Variants in FRMPD4 observed in about 807,000 individuals in gnomAD.
FRMPD4 encodes the protein FERM and PDZ domain containing 4.
A neutral mutation model predicts 94.1 loss-of-function variants in FRMPD4; 22 were observed. The observed-to-expected ratio is 0.23, with a 90% CI of 0.17 to 0.33. FRMPD4 has a LOEUF of 0.33. Among genes scored for constraint, FRMPD4 ranks in the 10% least tolerant of loss-of-function variants. FRMPD4 has a pLI of 1.00. For missense variants in FRMPD4, 1,111 were observed against 1,339.9 expected (o/e 0.83, Z 2.67); for synonymous variants, 631 against 548.6 (o/e 1.15, Z -2.10).
intron 3 of FRMPD4, among the ~76,000 whole-genome samples, chrX:11,889,241 A>G (rs774671789): frequency 2.9e-4 from 32 of 112,210 alleles, no homozygotes; most frequent in Non-Finnish European, 4.3e-4. Context: ...CCCTGAACAA[A>G]TAGGTGCTCC....
In FRMPD4 at chrX:12,710,453, G is replaced by T; in HGVS notation, c.1525G>T (p.Ala509Ser). ...SDAMNLACLT[A>S]GYYRLLVDSR... ...TGCCATGAACCTGGCCTGCTTGACGGCTGGATACTACCGGCTGCTTGTTGA... is the reference window on the plus strand; with the variant it reads ...TGCCATGAACCTGGCCTGCTTGACGTCTGGATACTACCGGCTGCTTGTTGA... Residue 509 changes from alanine to serine, a missense_variant, in exon 14 of 17, where the codon GCT becomes TCT. Around this residue, in one of 8 missense-constraint regions of FRMPD4, gnomAD observed 111 missense variants for 160.7 expected, o/e 0.69. Transcript: ENST00000675598. The T allele has an allele frequency of 8.3e-7, 1 of 1,199,752 alleles. No individual in the cohort carries two copies. Among genetic ancestry groups the T allele is most frequent in the Non-Finnish European group, 1.1e-6 (1 of 884,928 alleles).
chrX:11,823,749 G>A (rs147501332), intron 1 of FRMPD4, among the ~76,000 whole-genome samples: 1,364 of 111,642 alleles, frequency 0.012, 11 homozygotes, highest in African/African-American at 0.042. Flanking sequence ...AATATAATTT[G>A]CACATGTCAT....
chrX:11,847,218 G>A (rs1389924527), intron 1 of FRMPD4, among the ~76,000 whole-genome samples: 37 of 109,042 alleles, frequency 3.4e-4, no homozygotes, highest in Admixed American at 5.9e-4. Flanking sequence ...AAAAGTGGGC[G>A]AAGGATATGA....
At chrX:12,375,779 T>G (rs1262168165) in intron 1 of FRMPD4, among the ~76,000 whole-genome samples, 4 of 112,057 alleles carry the variant, frequency 3.6e-5, no homozygotes, top group Non-Finnish European at 7.5e-5. Flanking sequence ...GGCATCCACA[T>G]AAAGAAAGCG....
Position 12,328,772 on chromosome X carries a change from C to T in FRMPD4, c.42-169908C>T, listed in dbSNP as rs747294605. Reference sequence around the variant, plus strand: ...TAGAGTCAGGTTGCTGCCCTCCACCCTAGGCACAGCCACTTAGAAGCTGTG... The same window carrying T: ...TAGAGTCAGGTTGCTGCCCTCCACCTTAGGCACAGCCACTTAGAAGCTGTG... On this transcript the variant is annotated intron_variant, in intron 1 of 16. Transcript: ENST00000675598. Among the ~76,000 whole-genome samples the T allele has an allele frequency of 3.6e-5, 4 of 111,453 alleles. No homozygotes were observed. The East Asian group carries it at 1.1e-3, about 32-fold the overall frequency.
At chrX:12,393,975 A>G (rs1424804644) in intron 1 of FRMPD4, among the ~76,000 whole-genome samples, 1 of 111,628 alleles carries the variant, frequency 9.0e-6, no homozygotes, top group East Asian at 2.8e-4. Flanking sequence ...TAAGTTATAT[A>G]AGTTATCACC....
chrX:12,014,181 G>A (rs760819581), intron 3 of FRMPD4, among the ~76,000 whole-genome samples: 13 of 111,004 alleles, frequency 1.2e-4, no homozygotes, highest in Admixed American at 7.7e-4. Context: ...GTTTTCAACC[G>A]TGCCTCAGTC....
At chrX:12,084,339 C>A (rs141716132) in intron 3 of FRMPD4, among the ~76,000 whole-genome samples, 1 of 111,167 alleles carries the variant, frequency 9.0e-6, no homozygotes, top group African/African-American at 3.3e-5. Flanking sequence ...CTTTTGCCTC[C>A]TGCCATGATT....
At chrX:12,026,632 T>C (rs1256727441) in intron 3 of FRMPD4, among the ~76,000 whole-genome samples, 3 of 112,322 alleles carry the variant, frequency 2.7e-5, no homozygotes, top group African/African-American at 9.7e-5. Flanking sequence ...TATTCTATCC[T>C]TTAATTGTTC....
intron 3 of FRMPD4, among the ~76,000 whole-genome samples, chrX:12,098,665 G>A (rs1232202889): frequency 9.0e-6 from 1 of 111,522 alleles, no homozygotes; most frequent in Admixed American, 9.5e-5. Flanking sequence ...TATGGCTGGA[G>A]ACATTTTTAA....
chrX:12,325,431 A>G (rs2055272105), intron 1 of FRMPD4, among the ~76,000 whole-genome samples: 2 of 112,654 alleles, frequency 1.8e-5, no homozygotes, highest in Admixed American at 1.9e-4. Context: ...TATTCATGGA[A>G]AGTAGTCTTT....
chrX:12,128,672 C>A (rs907535216), intron 3 of FRMPD4, among the ~76,000 whole-genome samples: 6 of 112,074 alleles, frequency 5.4e-5, no homozygotes, highest in African/African-American at 6.5e-5. Context: ...TGTCAGGGTG[C>A]AAATGCTCTG....
chrX:12,480,491 A>T lies in FRMPD4; in HGVS notation c.42-18189A>T, dbSNP rs140161887. On this transcript the variant is annotated intron_variant, in intron 1 of 16. Coordinates refer to ENST00000675598, the MANE Select transcript of FRMPD4 (RefSeq NM_001368397.1). ...AATTATGAATTTCTGAGCCTATTAA[A>T]AATGTTTATGTTTCTTGTACACAAT... Among the ~76,000 whole-genome samples the T allele has an allele frequency of 4.6e-3, 508 of 111,509 alleles. 4 individuals are homozygous for T. The highest frequency in any genetic ancestry group is 0.016 in the African/African-American group (481 of 30,683).
intron 1 of FRMPD4, among the ~76,000 whole-genome samples, chrX:12,178,886 A>G (rs1338103129): frequency 8.9e-6 from 1 of 112,009 alleles, no homozygotes; most frequent in African/African-American, 3.2e-5. Flanking sequence ...AGTGGAGATA[A>G]TCTGGAGAGA....
At chrX:12,067,975 T>C (rs1382078780) in intron 3 of FRMPD4, among the ~76,000 whole-genome samples, 1 of 111,736 alleles carries the variant, frequency 8.9e-6, no homozygotes, top group Non-Finnish European at 1.9e-5. Context: ...GATGGGGAGA[T>C]AGATTTTCCT....
At chrX:12,628,266 G>A (rs1209236891) in intron 4 of FRMPD4, among the ~76,000 whole-genome samples, 1 of 111,783 alleles carries the variant, frequency 8.9e-6, no homozygotes, top group Non-Finnish European at 1.9e-5. Flanking sequence ...TTAGAGCTGA[G>A]TCGACCTGTA....
intron 1 of FRMPD4, among the ~76,000 whole-genome samples, chrX:12,323,494 G>A (rs1197305415): frequency 2.7e-5 from 3 of 111,707 alleles, no homozygotes; most frequent in Non-Finnish European, 5.6e-5. Context: ...CCCTCACAAA[G>A]GATGGAGCAG....
At position 12,566,169 on chromosome X, in the gene FRMPD4, G is replaced by A. The variant is rs774351532; in HGVS notation, c.159-43552G>A. Among the ~76,000 whole-genome samples, 4 of 111,670 alleles carry A rather than the reference G, an allele frequency of 3.6e-5. No homozygotes were observed. The South Asian group carries it at 1.1e-3, about 32-fold the overall frequency. On this transcript the variant is annotated intron_variant, in intron 2 of 16. Coordinates refer to ENST00000675598, the MANE Select transcript of FRMPD4 (RefSeq NM_001368397.1). ...CTACAGAATGTCTGGCTACAGAAAC[G>A]AATTATGATTAAAGAGATAATGTGA...
intron 1 of FRMPD4, among the ~76,000 whole-genome samples, chrX:12,248,812 G>T (rs6639164): frequency 0.18 from 19,683 of 111,722 alleles, 1,633 homozygotes; most frequent in East Asian, 0.52. Context: ...GCCGAGGCAG[G>T]TGGATCACCT....
Sources: gnomAD v4.1 joint callset for allele counts (sites outside exome capture counted in the v4.1 genomes callset) on GRCh38, gnomAD v4.1.1 for gene constraint, gnomAD v4.1.1 regional missense constraint, MANE v1.5 for transcripts, NCBI Gene and HGNC (gene_info 2026-07-23, HGNC 2026-07-21) for gene names.